ITGB1: variants seen among roughly 807,000 people sequenced by gnomAD.
ITGB1 encodes integrin beta-1.
A neutral mutation model predicts 86.5 loss-of-function variants in ITGB1; 24 were observed. That is an observed-to-expected ratio of 0.28 (90% CI 0.20 to 0.39). The LOEUF (loss-of-function observed/expected upper bound fraction) is 0.39, where lower values mean the gene tolerates loss of function less well. Ranked by LOEUF, ITGB1 falls within the 10% of genes least tolerant of loss-of-function variation. The probability of loss-of-function intolerance (pLI) is 1.00; values close to 1 mark genes in which losing one functional copy is unlikely to be tolerated. For missense variants in ITGB1, 556 were observed against 946.9 expected, an observed-to-expected ratio of 0.59 and a Z score of 5.42; for synonymous variants, 323 against 316.8, an observed-to-expected ratio of 1.02 and a Z score of -0.21.
chr10:32,918,918 G>T (rs779946462), intron 11 of ITGB1, among the ~76,000 whole-genome samples: 8 of 152,112 alleles, frequency 5.3e-5, no homozygotes, highest in Non-Finnish European at 1.2e-4. Flanking sequence ...GACTTTTCAG[G>T]TTCCCTGTGT....
At chr10:32,931,464 T>C (rs1467334111) in intron 3 of ITGB1, among the ~76,000 whole-genome samples, 1 of 152,096 alleles carries the variant, frequency 6.6e-6, no homozygotes, top group East Asian at 1.9e-4. Flanking sequence ...CTAATTATTG[T>C]AACAATAGAT....
At chr10:32,948,971 G>GAAAAAAAA (rs71299726) in intron 1 of ITGB1, among the ~76,000 whole-genome samples, 3 of 121,382 alleles carry the variant, frequency 2.5e-5, no homozygotes, top group Admixed American at 1.7e-4. Context: ...GTGGATTACT[G>GAAAAAAAA]AAAAAAAAAA....
chr10:32,947,225 A>G (rs2095033338), intron 1 of ITGB1, among the ~76,000 whole-genome samples: 1 of 152,104 alleles, frequency 6.6e-6, no homozygotes, highest in Non-Finnish European at 1.5e-5. Flanking sequence ...GTGAACTCCC[A>G]AACTTATAGA....
intron 1 of ITGB1, among the ~76,000 whole-genome samples, chr10:32,938,981 C>G (rs540537814): frequency 2.0e-5 from 3 of 152,124 alleles, no homozygotes; most frequent in Non-Finnish European, 4.4e-5. Context: ...TCCCTTCTAC[C>G]GGTACTGGGT....
chr10:32,944,537 A>G (rs1292749963), intron 1 of ITGB1: 1 of 439,748 alleles, frequency 2.3e-6, no homozygotes, highest in Non-Finnish European at 4.5e-6. Flanking sequence ...GGGCACAGAA[A>G]TTAATGTGTT....
At chr10:32,927,589 C>T (rs999239197) in intron 5 of ITGB1, among the ~76,000 whole-genome samples, 3 of 152,074 alleles carry the variant, frequency 2.0e-5, no homozygotes, top group East Asian at 3.9e-4. Context: ...GTCAGGAGTT[C>T]GAGACCAGCC....
chr10:32,929,204 T>TAAAA (rs143341662), intron 4 of ITGB1, among the ~76,000 whole-genome samples: 51,132 of 146,354 alleles, frequency 0.35, 11,034 homozygotes, highest in Non-Finnish European at 0.5. Context: ...ACAGAAGAGT[T>TAAAA]AAAAAAAATC....
At chr10:32,938,722 G>A (rs1433133983) in intron 1 of ITGB1, among the ~76,000 whole-genome samples, 1 of 152,220 alleles carries the variant, frequency 6.6e-6, no homozygotes, top group African/African-American at 2.4e-5. Context: ...ACTGGCGACT[G>A]GCGGGGCACT....
intron 1 of ITGB1, among the ~76,000 whole-genome samples, chr10:32,937,296 C>T (rs547959620): frequency 1.3e-5 from 2 of 152,284 alleles, no homozygotes; most frequent in African/African-American, 2.4e-5. Flanking sequence ...CAGTGGCTCA[C>T]GCCTGTAATC....
chr10:32,929,213 T>C (rs78366406), intron 4 of ITGB1, among the ~76,000 whole-genome samples: 14,845 of 128,482 alleles, frequency 0.12, 865 homozygotes, highest in South Asian at 0.32. Flanking sequence ...TTAAAAAAAA[T>C]CCTGACAAGG....
chr10:32,913,949 C>A (rs899253703), intron 11 of ITGB1, among the ~76,000 whole-genome samples: 1 of 152,212 alleles, frequency 6.6e-6, no homozygotes, highest in Non-Finnish European at 1.5e-5. Flanking sequence ...GGAAGCCCAT[C>A]AGACTAGCAG....
intron 15 of ITGB1, among the ~76,000 whole-genome samples, chr10:32,907,975 A>G (rs1222665562): frequency 1.3e-5 from 2 of 152,180 alleles, no homozygotes; most frequent in Non-Finnish European, 2.9e-5. Context: ...AACCTTTTGA[A>G]TCTGGCTTTC....
intron 8 of ITGB1, 141 bp downstream of exon 8, chr10:32,922,499 G>A (rs1260064544): frequency 2.0e-5 from 15 of 751,696 alleles, no homozygotes; most frequent in Non-Finnish European, 3.3e-5. Flanking sequence ...TATAATATGT[G>A]ATTAAAAATT....
chr10:32,912,207 A>T lies in ITGB1; in HGVS notation c.1470-83T>A, dbSNP rs182429468. The T allele has an allele frequency of 2.2e-4, 235 of 1,049,894 alleles. 1 individual carries two copies. The African/African-American group carries it at 3.3e-3, about 15-fold the overall frequency. The allele number at this position is 1,049,894 out of a possible 1,614,324, so 65.0% of individuals were successfully genotyped here. Reference sequence around the variant, plus strand: ...AAGATGGCCAAACAGGAACAGCTCTAGTCTACAGCTCCCAGCGTGAGCGAC... The same window carrying T: ...AAGATGGCCAAACAGGAACAGCTCTTGTCTACAGCTCCCAGCGTGAGCGAC... On this transcript the variant is annotated intron_variant, in intron 11 of 15. Coordinates refer to ENST00000302278, the MANE Select transcript of ITGB1 (RefSeq NM_002211.4).
At chr10:32,917,907 C>T (rs9418040) in intron 11 of ITGB1, among the ~76,000 whole-genome samples, 52,119 of 150,794 alleles carry the variant, frequency 0.35, 11,393 homozygotes, top group Non-Finnish European at 0.5. Context: ...ATGTTTACTG[C>T]GGCACTATTC....
Position 32,919,926 on chromosome 10 carries a change from C to A in ITGB1, c.1428G>T (p.Lys476Asn). The change falls in exon 11 of 16, where the codon AAG becomes AAT. Residue 476 changes from lysine to asparagine, a missense_variant. Physicochemically the swap from Lys to Asn is moderately conservative, Grantham distance 94. Around this residue, in one of 4 missense-constraint regions of ITGB1, gnomAD observed 330 missense variants for 531.5 expected, o/e 0.62. Coordinates refer to ENST00000302278, the MANE Select transcript of ITGB1 (RefSeq NM_002211.4). ...CQSEGIPESP[K>N]CHEGNGTFEC... ...CAAATGTCCCATTTCCTTCATGACACTTGGGACTTTCAGGGATGCCTTCGC... is the reference window on the plus strand; with the variant it reads ...CAAATGTCCCATTTCCTTCATGACAATTGGGACTTTCAGGGATGCCTTCGC... 1 of 1,614,124 alleles carries A rather than the reference C, an allele frequency of 6.2e-7. No homozygotes were observed. Among genetic ancestry groups the A allele is most frequent in the Non-Finnish European group, 8.5e-7 (1 of 1,180,002 alleles).
At chr10:32,935,348 T>C in intron 2 of ITGB1, 144 bp downstream of exon 2, 1 of 586,408 alleles carries the variant, frequency 1.7e-6, no homozygotes, top group Non-Finnish European at 3.1e-6. Flanking sequence ...GAACTTGACC[T>C]TTCTCTGAGT....
chr10:32,919,682 C>T (rs2094942665), intron 11 of ITGB1, among the ~76,000 whole-genome samples: 1 of 152,018 alleles, frequency 6.6e-6, no homozygotes, highest in Non-Finnish European at 1.5e-5. Context: ...AAAGAGTAAT[C>T]ACTTTAAGAA....
chr10:32,948,399 G>A (rs867554529), intron 1 of ITGB1, among the ~76,000 whole-genome samples: 4 of 152,042 alleles, frequency 2.6e-5, no homozygotes, highest in Non-Finnish European at 4.4e-5. Flanking sequence ...AAATACAAAT[G>A]CTCTGAACAC....
Sources: gnomAD v4.1 joint callset for allele counts (sites outside exome capture counted in the v4.1 genomes callset) on GRCh38, gnomAD v4.1.1 for gene constraint, gnomAD v4.1.1 regional missense constraint, MANE v1.5 for transcripts, NCBI Gene and HGNC (gene_info 2026-07-23, HGNC 2026-07-21) for gene names.